The following C1orf21 variants were observed in gnomAD, a reference collection of about 807,000 sequenced individuals.
C1orf21 encodes the protein chromosome 1 open reading frame 21.
Under a neutral mutation model 18.7 loss-of-function variants are expected in C1orf21, and 3 were observed. The observed-to-expected ratio is 0.16, with a 90% CI of 0.07 to 0.42. C1orf21 has a LOEUF of 0.42. Ranked by LOEUF, C1orf21 falls within the 10% of genes least tolerant of loss-of-function variation. C1orf21 has a pLI of 0.99. For missense variants in C1orf21, 104 were observed against 143.6 expected (o/e 0.72, Z 1.41); for synonymous variants, 41 against 46.4 (o/e 0.88, Z 0.47).
In C1orf21 at chr1:184,627,050, G is replaced by C. The variant is rs567045274; in HGVS notation, c.*7494G>C. ...TCTGCTGGGTCCCAAATACACACCC[G>C]AGTCCTGCCAAAGAAAGGAGATTTT... On this transcript the variant is annotated 3_prime_UTR_variant, in exon 6 of 6. Coordinates refer to ENST00000235307, the MANE Select transcript of C1orf21 (RefSeq NM_030806.4). 1 of 152,646 alleles carries C rather than the reference G, an allele frequency of 6.6e-6. No homozygotes were observed. Among genetic ancestry groups the C allele is most frequent in the South Asian group, 2.1e-4 (1 of 4,808 alleles). 9.5% of individuals were successfully genotyped at this position (152,646 alleles called of 1,614,324 possible). A position where few individuals can be genotyped will look rare whatever the true frequency, so the allele number is the denominator to read the frequency against.
intron 3 of C1orf21, among the ~76,000 whole-genome samples, chr1:184,509,445 C>T (rs990161029): frequency 2.6e-5 from 4 of 152,182 alleles, no homozygotes; most frequent in African/African-American, 7.2e-5. Flanking sequence ...GATCCCAGTA[C>T]ACTTCAAGTG....
In C1orf21 at chr1:184,483,089, T is replaced by C. The variant is rs1037626430; in HGVS notation, c.94+5486T>C. On this transcript the variant is annotated intron_variant, in intron 2 of 5. Transcript: ENST00000235307. ...GCATAAAAAGTTTCAGATCTAAAGT[T>C]CTGCCTGACACACTGTGGCCCTTTC... Among the ~76,000 whole-genome samples the C allele has an allele frequency of 2.0e-5, 3 of 152,358 alleles. No homozygotes were observed. In the East Asian group the frequency reaches 5.8e-4, roughly 29 times the overall value.
Position 184,410,627 on chromosome 1 carries a change from ATATATATATATATATATAT to A in C1orf21, c.-125+23260_-125+23278del, listed in dbSNP as rs1345894576. On this transcript the variant is annotated intron_variant, in intron 1 of 5. Coordinates refer to ENST00000235307, the MANE Select transcript of C1orf21 (RefSeq NM_030806.4). The stretch of plus-strand genomic sequence containing the variant: ...AATTTGCCATATATATTATATATAT[ATATATATATATATATATAT>A]ATATATATATATATATATTTTTTTT... 1.9e-3 allele frequency among the ~76,000 whole-genome samples: 6 copies of A among 3,202 alleles called. 3 individuals carry two copies. Among genetic ancestry groups the A allele is most frequent in the African/African-American group, 7.0e-3 (6 of 856 alleles). 2.1% of individuals were successfully genotyped at this position (3,202 alleles called of 152,430 possible). A position where few individuals can be genotyped will look rare whatever the true frequency, so the allele number is the denominator to read the frequency against.
chr1:184,603,775 G>A (rs561287793), intron 5 of C1orf21, among the ~76,000 whole-genome samples: 6 of 152,274 alleles, frequency 3.9e-5, no homozygotes, highest in Admixed American at 6.5e-5. Context: ...CAGCCTGGGC[G>A]ACAGAGCAAG....
intron 2 of C1orf21, among the ~76,000 whole-genome samples, chr1:184,503,324 C>G (rs1291266352): frequency 6.6e-6 from 1 of 152,030 alleles, no homozygotes; most frequent in African/African-American, 2.4e-5. Context: ...GACTTCCTGA[C>G]TCAGGGAATT....
At chr1:184,398,155 A>G (rs1414535958) in intron 1 of C1orf21, among the ~76,000 whole-genome samples, 2 of 152,236 alleles carry the variant, frequency 1.3e-5, no homozygotes, top group South Asian at 2.1e-4. Flanking sequence ...GACAACGGCA[A>G]TAATTGACAA....
chr1:184,407,166 G>C (rs1485071815), intron 1 of C1orf21, among the ~76,000 whole-genome samples: 1 of 151,938 alleles, frequency 6.6e-6, no homozygotes, highest in Non-Finnish European at 1.5e-5. Context: ...TTAGAGACAG[G>C]GTCTCACTAT....
intron 4 of C1orf21, among the ~76,000 whole-genome samples, chr1:184,596,739 C>G (rs1434927723): frequency 6.6e-6 from 1 of 152,022 alleles, no homozygotes; most frequent in Non-Finnish European, 1.5e-5. Flanking sequence ...TACGTGGTGG[C>G]TCACGCCTGC....
At chr1:184,463,847 A>G (rs1657345781) in intron 1 of C1orf21, among the ~76,000 whole-genome samples, 1 of 152,252 alleles carries the variant, frequency 6.6e-6, no homozygotes, top group Admixed American at 6.5e-5. Context: ...AATGGCTCAC[A>G]TAGACACATA....
chr1:184,526,847 C>T (rs1448435469), intron 3 of C1orf21, among the ~76,000 whole-genome samples: 1 of 152,152 alleles, frequency 6.6e-6, no homozygotes, highest in Non-Finnish European at 1.5e-5. Flanking sequence ...TTATTAATCA[C>T]CAGCTACCTG....
At chr1:184,391,260 CT>C (rs1168383587) in intron 1 of C1orf21, among the ~76,000 whole-genome samples, 1 of 152,086 alleles carries the variant, frequency 6.6e-6, no homozygotes, top group Non-Finnish European at 1.5e-5. Context: ...AGTTTCTTTG[CT>C]TTTTTGTTAA....
At chr1:184,516,506 C>T (rs1176234618) in intron 3 of C1orf21, among the ~76,000 whole-genome samples, 1 of 152,154 alleles carries the variant, frequency 6.6e-6, no homozygotes, top group Non-Finnish European at 1.5e-5. Flanking sequence ...CAATACTGGG[C>T]AATTTACATA....
chr1:184,415,730 G>A (rs1656439251), intron 1 of C1orf21, among the ~76,000 whole-genome samples: 1 of 152,138 alleles, frequency 6.6e-6, no homozygotes. Flanking sequence ...TTCCAAGTCT[G>A]TACCTTCAAA....
chr1:184,602,461 C>A (rs182928638), intron 5 of C1orf21, among the ~76,000 whole-genome samples: 1 of 152,342 alleles, frequency 6.6e-6, no homozygotes, highest in African/African-American at 2.4e-5. Context: ...ACTCTGCTAT[C>A]TAACCATCGT....
intron 5 of C1orf21, among the ~76,000 whole-genome samples, chr1:184,606,939 G>A (rs1659654517): frequency 6.6e-6 from 1 of 152,158 alleles, no homozygotes; most frequent in South Asian, 2.1e-4. Context: ...GTTTATATCA[G>A]CTGGGAAGGA....
At chr1:184,612,022 A>AT (rs57319892) in intron 5 of C1orf21, among the ~76,000 whole-genome samples, 10,664 of 152,236 alleles carry the variant, frequency 0.07, 557 homozygotes, top group African/African-American at 0.14. Flanking sequence ...AAAATTTATA[A>AT]TTTTTTAAAA....
intron 4 of C1orf21, 51 bp from the exon 5 acceptor site, chr1:184,598,350 C>G: frequency 6.5e-7 from 1 of 1,550,270 alleles, no homozygotes; most frequent in Non-Finnish European, 8.8e-7. Flanking sequence ...TTGAGGGGAC[C>G]AGGTTTAGCA....
chr1:184,568,109 A>C (rs1330351947), intron 3 of C1orf21, among the ~76,000 whole-genome samples: 1 of 152,112 alleles, frequency 6.6e-6, no homozygotes, highest in Non-Finnish European at 1.5e-5. Context: ...CTCTAGCCTA[A>C]AGTTTGAAGT....
intron 3 of C1orf21, among the ~76,000 whole-genome samples, chr1:184,569,334 T>C (rs1297199277): frequency 6.6e-6 from 1 of 152,228 alleles, no homozygotes; most frequent in Non-Finnish European, 1.5e-5. Flanking sequence ...TTGCTTCTCA[T>C]TTCCATCATC....
Sources: gnomAD v4.1 joint callset for allele counts (sites outside exome capture counted in the v4.1 genomes callset) on GRCh38, gnomAD v4.1.1 for gene constraint, MANE v1.5 for transcripts, NCBI Gene and HGNC (gene_info 2026-07-23, HGNC 2026-07-21) for gene names.